The following PKHD1 variants were observed in gnomAD, a reference collection of about 807,000 sequenced individuals.
PKHD1 encodes the protein PKHD1 ciliary IPT domain containing fibrocystin/polyductin.
In PKHD1, 291 loss-of-function variants were observed where a neutral mutation model predicts 412.0. The observed-to-expected ratio is 0.71, with a 90% CI of 0.64 to 0.78. The LOEUF (loss-of-function observed/expected upper bound fraction) is 0.78, where lower values mean the gene tolerates loss of function less well. Ranked by LOEUF, PKHD1 falls within the 30% of genes least tolerant of loss-of-function variation. The pLI, the probability that PKHD1 is intolerant of heterozygous loss-of-function variation, is 0.00. For synonymous variants in PKHD1, 1,777 were observed against 1,821.5 expected (o/e 0.98, Z 0.62); for missense variants, 4,825 against 4,950.7 (o/e 0.97, Z 0.76).
chr6:52,051,567 C>T (rs1806851238), intron 21 of PKHD1, among the ~76,000 whole-genome samples: 2 of 152,174 alleles, frequency 1.3e-5, no homozygotes, highest in South Asian at 2.1e-4. Context: ...CCTTCCTGCT[C>T]CCACCTCACC....
At chr6:51,844,689 C>G (rs1177722031) in intron 50 of PKHD1, among the ~76,000 whole-genome samples, 2 of 152,088 alleles carry the variant, frequency 1.3e-5, no homozygotes, top group African/African-American at 2.4e-5. Context: ...CTAAAACTTC[C>G]TATCCTGGGG....
chr6:51,855,399 T>TA (rs2151683035), intron 49 of PKHD1, among the ~76,000 whole-genome samples: 2 of 152,326 alleles, frequency 1.3e-5, no homozygotes, highest in East Asian at 3.9e-4. Flanking sequence ...TCACTGCTCT[T>TA]ATTTGTCTCC....
intron 44 of PKHD1, among the ~76,000 whole-genome samples, chr6:51,886,277 G>T (rs574254543): frequency 6.6e-6 from 1 of 152,224 alleles, no homozygotes; most frequent in African/African-American, 2.4e-5. Context: ...GCCACAAAAG[G>T]TACATTCTGT....
chr6:51,801,639 T>TTGTGTGTGTGTGTGTGTGTGTGTG (rs140197286), intron 52 of PKHD1, among the ~76,000 whole-genome samples: 23,924 of 119,242 alleles, frequency 0.2, 3,895 homozygotes, highest in East Asian at 0.6. Context: ...GCTGGCCTGA[T>TTGTGTGTGTGTGTGTGTGTGTGTG]TGTGTGTGTG....
intron 36 of PKHD1, among the ~76,000 whole-genome samples, chr6:51,954,014 C>A (rs943264814): frequency 1.3e-5 from 2 of 152,088 alleles, no homozygotes; most frequent in Non-Finnish European, 2.9e-5. Flanking sequence ...TATTACCCAG[C>A]TAATTCTTTC....
chr6:51,851,463 G>A lies in PKHD1; in HGVS notation c.7912-3493C>T, dbSNP rs564118778. Among the ~76,000 whole-genome samples, 8 of 152,292 alleles carry A rather than the reference G, an allele frequency of 5.3e-5. No homozygotes were observed. In the East Asian group the frequency reaches 1.3e-3, roughly 26 times the overall value. On this transcript the variant is annotated intron_variant, in intron 49 of 66. Transcript: ENST00000371117. ...TTTTCAATTGTTTGGAATAGTTTCA[G>A]AAGGAATGGTACCAGTTCCTCTTTG...
chr6:52,067,424 C>T (rs1333228681), intron 11 of PKHD1, among the ~76,000 whole-genome samples: 1 of 152,042 alleles, frequency 6.6e-6, no homozygotes, highest in Admixed American at 6.6e-5. Flanking sequence ...TTTCAACATT[C>T]ACAGAGCACC....
intron 60 of PKHD1, among the ~76,000 whole-genome samples, chr6:51,701,221 T>A (rs1381812921): frequency 6.6e-6 from 1 of 152,130 alleles, no homozygotes; most frequent in Admixed American, 6.6e-5. Flanking sequence ...GAGATCTTTT[T>A]AAAAAAATTT....
chr6:51,957,807 C>T (rs1053604000), intron 36 of PKHD1, among the ~76,000 whole-genome samples: 22 of 152,116 alleles, frequency 1.4e-4, no homozygotes, highest in South Asian at 2.1e-4. Context: ...ACCTCCTCTC[C>T]GCTCTCCAAC....
chr6:51,764,046 C>A (rs1231832416), intron 55 of PKHD1, among the ~76,000 whole-genome samples: 4 of 149,908 alleles, frequency 2.7e-5, no homozygotes, highest in Admixed American at 1.3e-4. Context: ...GTGCGCTGCA[C>A]CCACTAACTC....
At chr6:51,708,749 T>C (rs1052527114) in intron 60 of PKHD1, among the ~76,000 whole-genome samples, 3 of 152,216 alleles carry the variant, frequency 2.0e-5, no homozygotes, top group African/African-American at 7.2e-5. Flanking sequence ...CCATATCACT[T>C]GCTCCAAGAA....
chr6:51,741,812 C>A (rs1300576443), intron 60 of PKHD1, among the ~76,000 whole-genome samples: 4 of 152,132 alleles, frequency 2.6e-5, no homozygotes, highest in Non-Finnish European at 5.9e-5. Context: ...CTGGGACAAC[C>A]CAAACTAAGA....
chr6:51,716,622 C>G (rs143290113), intron 60 of PKHD1, among the ~76,000 whole-genome samples: 39 of 152,148 alleles, frequency 2.6e-4, no homozygotes, highest in African/African-American at 8.2e-4. Flanking sequence ...GACCTCTGGC[C>G]ACAAGAGTAT....
chr6:51,732,652 C>T (rs943263841), intron 60 of PKHD1, among the ~76,000 whole-genome samples: 4 of 152,100 alleles, frequency 2.6e-5, no homozygotes, highest in African/African-American at 9.7e-5. Flanking sequence ...CAAGTGTCAA[C>T]AAGGATGTGG....
In PKHD1 at chr6:51,746,709, T is replaced by TA. The variant is rs1396906940; in HGVS notation, c.9998+11dup. 1 of 1,535,414 alleles carries TA rather than the reference T, an allele frequency of 6.5e-7. No homozygotes were observed. Among genetic ancestry groups the TA allele is most frequent in the Non-Finnish European group, 9.0e-7 (1 of 1,108,840 alleles). On this transcript the variant is annotated intron_variant, in intron 59 of 66. Coordinates refer to ENST00000371117, the MANE Select transcript of PKHD1 (RefSeq NM_138694.4). ...CATAAATATGGCTTATTATAAATAC[T>TA]AAAAATTATACCTGGGTTGTAATGA...
intron 46 of PKHD1, among the ~76,000 whole-genome samples, chr6:51,873,711 T>C (rs1449587482): frequency 6.6e-6 from 1 of 152,184 alleles, no homozygotes; most frequent in Non-Finnish European, 1.5e-5. Context: ...TTATGTAAAG[T>C]TTAACAGTGC....
intron 55 of PKHD1, among the ~76,000 whole-genome samples, chr6:51,759,918 T>C (rs1399985015): frequency 6.6e-6 from 1 of 152,104 alleles, no homozygotes; most frequent in Non-Finnish European, 1.5e-5. Flanking sequence ...TTGCAGAATA[T>C]ATTTCCAACC....
intron 1 of PKHD1, among the ~76,000 whole-genome samples, chr6:52,087,165 A>G (rs917178403): frequency 1.3e-5 from 2 of 152,176 alleles, no homozygotes; most frequent in Admixed American, 6.5e-5. Context: ...TTTATTTCTC[A>G]TAACTAAAAT....
chr6:51,773,399 T>G (rs540756215), intron 54 of PKHD1, among the ~76,000 whole-genome samples: 70 of 151,908 alleles, frequency 4.6e-4, no homozygotes, highest in Non-Finnish European at 8.2e-4. Context: ...TCCTATATGT[T>G]TTATTGCCAT....
Sources: gnomAD v4.1 joint callset for allele counts (sites outside exome capture counted in the v4.1 genomes callset) on GRCh38, gnomAD v4.1.1 for gene constraint, MANE v1.5 for transcripts, NCBI Gene and HGNC (gene_info 2026-07-23, HGNC 2026-07-21) for gene names.